KIF5C: variants seen among roughly 807,000 people sequenced by gnomAD.
KIF5C encodes the protein kinesin family member 5C.
A neutral mutation model predicts 125.2 loss-of-function variants in KIF5C; 18 were observed. The ratio of observed to expected loss-of-function variants is 0.14; its 90% confidence interval spans 0.10 to 0.21. The LOEUF (loss-of-function observed/expected upper bound fraction) is 0.21, where lower values mean the gene tolerates loss of function less well. Among genes scored for constraint, KIF5C ranks in the 10% least tolerant of loss-of-function variants. The pLI is 1.00. For synonymous variants in KIF5C, 405 were observed against 434.0 expected (o/e 0.93, Z 0.83); for missense variants, 780 against 1,183.8 (o/e 0.66, Z 5.01).
chr2:149,010,373 C>A, intron 24 of KIF5C, 22 bp downstream of exon 24: 1 of 1,523,108 alleles, frequency 6.6e-7, no homozygotes, highest in Non-Finnish European at 8.8e-7. Context: ...CACAGTGGCG[C>A]CCGGGGTTTG....
rs550191009 is a variant in KIF5C, at chr2:148,987,171, C to A, written c.1716+3405C>A. ...GTTTTTCACAGGGTGGCCAAATAAA[C>A]TTATTCAACAGGTTACAGGAGGAGC... On this transcript the variant is annotated intron_variant, in intron 15 of 25. Transcript: ENST00000435030. 5.3e-5 allele frequency among the ~76,000 whole-genome samples: 8 copies of A among 152,278 alleles called. No homozygotes were observed. The East Asian group carries it at 1.3e-3, about 26-fold the overall frequency.
At chr2:148,980,735 T>C (rs1179157311) in intron 13 of KIF5C, among the ~76,000 whole-genome samples, 2 of 151,868 alleles carry the variant, frequency 1.3e-5, no homozygotes, top group African/African-American at 2.4e-5. Context: ...AGACGAAGTC[T>C]TGCTCTGCTG....
At chr2:148,935,011 C>T in intron 3 of KIF5C, 1 of 354,240 alleles carries the variant, frequency 2.8e-6, no homozygotes, top group Non-Finnish European at 5.6e-6. Flanking sequence ...CACTCTTGGG[C>T]ATCTGAGCTG....
chr2:148,877,761 CT>C (rs961936179), intron 1 of KIF5C: 1 of 151,966 alleles, frequency 6.6e-6, no homozygotes, highest in African/African-American at 2.4e-5. Context: ...CCCCTCTCCC[CT>C]CTCCCTTCTC....
rs1415246108 is a variant in KIF5C at position 149,024,893 on chromosome 2, A to T, written c.*1823A>T. ...CAGGTTTTGCAAAGCTTATCAGGTA[A>T]TAACATATGCCACATAACCTTGTTG... is the stretch of plus-strand genomic sequence containing the variant. On this transcript the variant is annotated 3_prime_UTR_variant, in exon 26 of 26. Transcript: ENST00000435030. 6.6e-6 allele frequency: 1 copy of T among 152,508 alleles called. No homozygotes were observed. Among genetic ancestry groups the T allele is most frequent in the Non-Finnish European group, 1.5e-5 (1 of 68,030 alleles). 9.4% of individuals were successfully genotyped at this position (152,508 alleles called of 1,614,324 possible). A position where few individuals can be genotyped will look rare whatever the true frequency, so the allele number is the denominator to read the frequency against.
At chr2:149,007,861 C>T (rs1682056993) in intron 22 of KIF5C, 102 bp from the exon 23 acceptor site, 2 of 1,271,654 alleles carry the variant, frequency 1.6e-6, no homozygotes, top group East Asian at 2.6e-5. Context: ...TTCAGAATAC[C>T]CTTTGGTGGG....
chr2:148,934,565 A>G (rs925483353), intron 3 of KIF5C, among the ~76,000 whole-genome samples: 19 of 151,354 alleles, frequency 1.3e-4, no homozygotes, highest in Non-Finnish European at 2.4e-4. Context: ...ACACACACAC[A>G]CACACACACT....
In KIF5C at chr2:149,011,660, C is replaced by G; in HGVS notation, c.2858C>G (p.Thr953Ser). 1 of 1,614,084 alleles carries G rather than the reference C, an allele frequency of 6.2e-7. No individual in the cohort carries two copies. Reference sequence around the variant, plus strand: ...GGAGGAGGCAGCTCTTCAAATTCCACTCACTACCAGAAATAAATACAAAGT... The same window carrying G: ...GGAGGAGGCAGCTCTTCAAATTCCAGTCACTACCAGAAATAAATACAAAGT... Reference protein sequence around the residue: ...RGGGGSSSNSTHYQK With the variant: ...RGGGGSSSNSSHYQK The change falls in exon 25 of 26, where the codon ACT becomes AGT. Residue 953 changes from threonine to serine, a missense_variant. By Grantham distance (58) the Thr-to-Ser change is moderately conservative. This residue lies in a region of KIF5C where 573 missense variants were observed against 742.6 expected (regional missense o/e 0.77). Coordinates refer to ENST00000435030, the MANE Select transcript of KIF5C (RefSeq NM_004522.3).
intron 1 of KIF5C, among the ~76,000 whole-genome samples, chr2:148,892,166 C>A (rs866809347): frequency 1.3e-5 from 2 of 152,164 alleles, no homozygotes; most frequent in South Asian, 2.1e-4. Context: ...TGCTTTTAAC[C>A]ATTTGCTATG....
At chr2:148,929,016 G>T (rs866696112) in intron 2 of KIF5C, among the ~76,000 whole-genome samples, 1 of 152,144 alleles carries the variant, frequency 6.6e-6, no homozygotes, top group African/African-American at 2.4e-5. Context: ...TTTTCTGCTC[G>T]ATGTCTCTAT....
intron 12 of KIF5C, among the ~76,000 whole-genome samples, chr2:148,975,562 T>G (rs1681037521): frequency 6.6e-6 from 1 of 152,196 alleles, no homozygotes; most frequent in Non-Finnish European, 1.5e-5. Flanking sequence ...GCCCTTTAAA[T>G]GAGGACCTGG....
At chr2:148,883,908 A>G (rs1681440372) in intron 1 of KIF5C, 1 of 152,154 alleles carries the variant, frequency 6.6e-6, no homozygotes, top group South Asian at 2.1e-4. Flanking sequence ...TTACTGGGTA[A>G]AAGGATATAC....
intron 21 of KIF5C, among the ~76,000 whole-genome samples, chr2:149,003,924 C>T (rs1005210966): frequency 4.6e-5 from 7 of 152,154 alleles, no homozygotes; most frequent in Non-Finnish European, 1.5e-5. Flanking sequence ...AAACCACTGA[C>T]AAGAAACAGA....
At position 149,008,651 on chromosome 2, in the gene KIF5C, G is replaced by C. The variant is rs531732391; in HGVS notation, c.2550+584G>C. 6.0e-4 allele frequency among the ~76,000 whole-genome samples: 91 copies of C among 152,312 alleles called. No individual in the cohort carries two copies. In the South Asian group the frequency reaches 0.018, roughly 30 times the overall value. On this transcript the variant is annotated intron_variant, in intron 23 of 25. Coordinates refer to ENST00000435030, the MANE Select transcript of KIF5C (RefSeq NM_004522.3). ...GATAACTGTGTCCAAACTCACCAGT[G>C]ATTTCAGCAGGTCATTTGTCTTGGA...
At chr2:148,911,330 A>T (rs926929761) in intron 1 of KIF5C, among the ~76,000 whole-genome samples, 10 of 152,196 alleles carry the variant, frequency 6.6e-5, no homozygotes, top group Non-Finnish European at 1.0e-4. Context: ...TCAAAGAGGA[A>T]GGAAGCTGAG....
rs2105200066 is a variant in KIF5C, at chr2:149,010,187, G to A, written c.2603G>A (p.Arg868Gln). ...TGTGAACTGCCCAAGCTGGAGAAGC[G>A]GCTGCGTGCCACGGCGGAGCGCGTC... ...LRCELPKLEK[R>Q]LRATAERVKA... The change falls in exon 24 of 26, where the codon CGG becomes CAG. Residue 868 changes from arginine to glutamine, a missense_variant. Transcript: ENST00000435030. 5 of 1,554,840 alleles carry A rather than the reference G, an allele frequency of 3.2e-6. No individual in the cohort carries two copies. Among genetic ancestry groups the A allele is most frequent in the Admixed American group, 2.0e-5 (1 of 51,166 alleles).
At chr2:148,989,821 C>G (rs1016158116) in intron 15 of KIF5C, among the ~76,000 whole-genome samples, 1 of 152,152 alleles carries the variant, frequency 6.6e-6, no homozygotes, top group Non-Finnish European at 1.5e-5. Flanking sequence ...AAACTACAGG[C>G]ACTCAGCAGT....
At position 148,997,288 on chromosome 2, in the gene KIF5C, A is replaced by G; in HGVS notation, c.2048A>G (p.Gln683Arg). 6.2e-7 allele frequency: 1 copy of G among 1,613,548 alleles called. No homozygotes were observed. Among genetic ancestry groups the G allele is most frequent in the South Asian group, 1.1e-5 (1 of 91,046 alleles). ...AQEKMHEVSFQDKEKEHLTRL... is the reference protein window; with the variant it reads ...AQEKMHEVSFRDKEKEHLTRL... The stretch of plus-strand genomic sequence containing the variant: ...GAAAAAATGCACGAAGTCAGCTTCC[A>G]GGATAAGGAGAAGGAACATCTGACG... Residue 683 changes from glutamine (Q) to arginine (R), a missense_variant, in exon 18 of 26, where the codon CAG becomes CGG. By Grantham distance (43) the Gln-to-Arg change is conservative. Coordinates refer to ENST00000435030, the MANE Select transcript of KIF5C (RefSeq NM_004522.3).
chr2:148,899,376 A>G (rs551899739), intron 1 of KIF5C, among the ~76,000 whole-genome samples: 2 of 152,314 alleles, frequency 1.3e-5, no homozygotes, highest in South Asian at 4.1e-4. Context: ...CTCTTAAATG[A>G]GAACATCTAG....
Sources: gnomAD v4.1 joint callset for allele counts (sites outside exome capture counted in the v4.1 genomes callset) on GRCh38, gnomAD v4.1.1 for gene constraint, gnomAD v4.1.1 regional missense constraint, MANE v1.5 for transcripts, NCBI Gene and HGNC (gene_info 2026-07-23, HGNC 2026-07-21) for gene names.